CCDC62: variants seen among roughly 807,000 people sequenced by gnomAD.
CCDC62 encodes coiled-coil domain-containing protein 62.
A neutral mutation model predicts 80.8 loss-of-function variants in CCDC62; 72 were observed. The observed-to-expected ratio is 0.89, with a 90% confidence interval of 0.74 to 1.08. The LOEUF (loss-of-function observed/expected upper bound fraction) is 1.08, where lower values mean the gene tolerates loss of function less well. Ranked by LOEUF, CCDC62 falls within the 50% of genes least tolerant of loss-of-function variation. The pLI, the probability that CCDC62 is intolerant of heterozygous loss-of-function variation, is 0.00. For synonymous variants in CCDC62, 286 were observed against 296.5 expected, an observed-to-expected ratio of 0.96 and a Z score of 0.36; for missense variants, 704 against 809.4, an observed-to-expected ratio of 0.87 and a Z score of 1.58.
rs752106991 is a variant in CCDC62 at position 122,823,457 on chromosome 12, C to T, written c.*38C>T. On this transcript the variant is annotated splice_region_variant and 3_prime_UTR_variant, in exon 12 of 13. Coordinates refer to ENST00000253079, the MANE Select transcript of CCDC62 (RefSeq NM_201435.5). ...GCAACTTCAGTATTCATCGTGATCACGAGTAAGTCACCTTTGCTTATCTCA... is the reference window on the plus strand; with the variant it reads ...GCAACTTCAGTATTCATCGTGATCATGAGTAAGTCACCTTTGCTTATCTCA... 4.2e-5 allele frequency: 61 copies of T among 1,440,900 alleles called. No homozygotes were observed. The South Asian group carries it at 5.0e-4, about 12-fold the overall frequency. 89.3% of individuals were successfully genotyped at this position (1,440,900 alleles called of 1,614,324 possible).
In CCDC62 at chr12:122,801,571, T is replaced by C; in HGVS notation, c.1425T>C (p.Ser475=). 2.5e-6 allele frequency: 4 copies of C among 1,614,082 alleles called. No homozygotes were observed. Among genetic ancestry groups the C allele is most frequent in the Non-Finnish European group, 3.4e-6 (4 of 1,180,022 alleles). ...ACCTGGGCCTGACCAACTGTCCAAG[T>C]TCAAAACATCCAGAAAAGCTGGATG... is the stretch of plus-strand genomic sequence containing the variant. ...SVYLGLTNCP[S]SKHPEKLDVE... The change falls in exon 9 of 13, where the codon AGT becomes AGC. Residue 475 remains serine, a synonymous_variant. Coordinates refer to ENST00000253079, the MANE Select transcript of CCDC62 (RefSeq NM_201435.5).
intron 9 of CCDC62, among the ~76,000 whole-genome samples, chr12:122,803,595 G>A (rs1593811371): frequency 6.6e-6 from 1 of 152,128 alleles, no homozygotes; most frequent in South Asian, 2.1e-4. Flanking sequence ...ATTATTTGGA[G>A]TATCCTTTGG....
Position 122,781,212 on chromosome 12 carries a change from T to G in CCDC62, c.278T>G (p.Val93Gly), listed in dbSNP as rs1482465462. Reference sequence around the variant, plus strand: ...ATAATCAGGTCACTCACGAAGAAGGTAAAAGCTCTTGAATCCAATCAAATG... The same window carrying G: ...ATAATCAGGTCACTCACGAAGAAGGGAAAAGCTCTTGAATCCAATCAAATG... ...TEIIRSLTKK[V>G]KALESNQMEC... The change falls in exon 3 of 13, where the codon GTA becomes GGA. Residue 93 changes from valine (V) to glycine (G), a missense_variant. Transcript: ENST00000253079. The G allele has an allele frequency of 1.2e-6, 2 of 1,613,810 alleles. No homozygotes were observed. Among genetic ancestry groups the G allele is most frequent in the Non-Finnish European group, 1.7e-6 (2 of 1,179,902 alleles).
intron 10 of CCDC62, among the ~76,000 whole-genome samples, chr12:122,809,692 A>G (rs560725824): frequency 1.3e-5 from 2 of 152,374 alleles, no homozygotes; most frequent in African/African-American, 4.8e-5. Context: ...TAGAACCAAA[A>G]AAGAGCTCGC....
intron 11 of CCDC62, among the ~76,000 whole-genome samples, chr12:122,818,469 A>G (rs1431224692): frequency 6.6e-6 from 1 of 150,682 alleles, no homozygotes; most frequent in Non-Finnish European, 1.5e-5. Context: ...AAAAAAAAAA[A>G]AAAAATTAAC....
intron 3 of CCDC62, among the ~76,000 whole-genome samples, chr12:122,785,332 A>C (rs1348206015): frequency 6.6e-6 from 1 of 152,200 alleles, no homozygotes; most frequent in Non-Finnish European, 1.5e-5. Flanking sequence ...ATTTCAACAA[A>C]GGAAATCTCT....
chr12:122,795,302 C>T (rs372631634), intron 6 of CCDC62, among the ~76,000 whole-genome samples: 76 of 152,120 alleles, frequency 5.0e-4, no homozygotes, highest in East Asian at 2.9e-3. Flanking sequence ...CCACCCGCCT[C>T]GGCCTCCCAA....
chr12:122,816,843 C>A (rs1007685956), intron 11 of CCDC62, among the ~76,000 whole-genome samples: 8 of 151,960 alleles, frequency 5.3e-5, no homozygotes, highest in African/African-American at 1.7e-4. Context: ...GCAGCCACTA[C>A]CGCTATCTAA....
chr12:122,808,523 A>G (rs574879144), intron 10 of CCDC62, among the ~76,000 whole-genome samples: 2 of 151,768 alleles, frequency 1.3e-5, no homozygotes, highest in East Asian at 1.9e-4. Flanking sequence ...GTGTATATTT[A>G]ACCTTTTTTT....
intron 6 of CCDC62, among the ~76,000 whole-genome samples, chr12:122,795,873 CAG>C (rs1377015970): frequency 6.6e-6 from 1 of 152,138 alleles, no homozygotes; most frequent in Non-Finnish European, 1.5e-5. Context: ...CGGTAAAAGG[CAG>C]AGTCTTGATC....
At chr12:122,820,315 A>T (rs1178520929) in intron 11 of CCDC62, among the ~76,000 whole-genome samples, 1 of 152,248 alleles carries the variant, frequency 6.6e-6, no homozygotes, top group Admixed American at 6.5e-5. Flanking sequence ...GGAAGCGCAC[A>T]GCTGAGCACA....
intron 2 of CCDC62, among the ~76,000 whole-genome samples, chr12:122,780,380 G>A (rs1227669340): frequency 2.6e-5 from 4 of 151,062 alleles, no homozygotes; most frequent in Admixed American, 1.3e-4. Context: ...TTGGGAGGCC[G>A]AGGTGGGCTG....
At chr12:122,808,796 G>A (rs1464003560) in intron 10 of CCDC62, among the ~76,000 whole-genome samples, 2 of 152,226 alleles carry the variant, frequency 1.3e-5, no homozygotes, top group African/African-American at 2.4e-5. Flanking sequence ...CAAAGTGCTG[G>A]GGTATATTTA....
chr12:122,808,095 G>A (rs1302927230), intron 10 of CCDC62, among the ~76,000 whole-genome samples: 3 of 152,038 alleles, frequency 2.0e-5, no homozygotes, highest in Non-Finnish European at 4.4e-5. Flanking sequence ...TCAGGCGTTC[G>A]AGACCAGCCT....
chr12:122,792,504 G>A (rs1327276073), intron 6 of CCDC62, among the ~76,000 whole-genome samples: 4 of 151,306 alleles, frequency 2.6e-5, no homozygotes, highest in Non-Finnish European at 4.4e-5. Flanking sequence ...GATTGCAGGC[G>A]TGAGCCCGGC....
At chr12:122,810,207 G>T (rs1179067836) in intron 10 of CCDC62, among the ~76,000 whole-genome samples, 1 of 152,052 alleles carries the variant, frequency 6.6e-6, no homozygotes, top group African/African-American at 2.4e-5. Flanking sequence ...CACAGCAAAA[G>T]AAACTACCAT....
In CCDC62 at chr12:122,781,115, C is replaced by G. The variant is rs767486801; in HGVS notation, c.230-49C>G. 5 of 1,457,496 alleles carry G rather than the reference C, an allele frequency of 3.4e-6. No individual in the cohort carries two copies. In the South Asian group the frequency reaches 6.3e-5, roughly 18 times the overall value. The allele number at this position is 1,457,496 out of a possible 1,614,324, so 90.3% of individuals were successfully genotyped here. A position where few individuals can be genotyped will look rare whatever the true frequency, so the allele number is the denominator to read the frequency against. The stretch of plus-strand genomic sequence containing the variant: ...TTAACCACCCATTTTGAAAATAATG[C>G]CTTTTAAGCTGAAGGTGTGACTACA... On this transcript the variant is annotated intron_variant, in intron 2 of 12. Coordinates refer to ENST00000253079, the MANE Select transcript of CCDC62 (RefSeq NM_201435.5).
chr12:122,820,081 AAAG>A (rs1566090674), intron 11 of CCDC62, among the ~76,000 whole-genome samples: 23 of 150,194 alleles, frequency 1.5e-4, no homozygotes, highest in South Asian at 4.2e-4. Flanking sequence ...AAAAAAAAAA[AAAG>A]AAGAAGAAGA....
chr12:122,792,665 C>T (rs558229423), intron 6 of CCDC62, among the ~76,000 whole-genome samples: 3 of 151,044 alleles, frequency 2.0e-5, no homozygotes, highest in African/African-American at 4.9e-5. Flanking sequence ...ATTACAGGCG[C>T]ATGCTACCAT....
Sources: gnomAD v4.1 joint callset for allele counts (sites outside exome capture counted in the v4.1 genomes callset) on GRCh38, gnomAD v4.1.1 for gene constraint, MANE v1.5 for transcripts, NCBI Gene and HGNC (gene_info 2026-07-23, HGNC 2026-07-21) for gene names.